SLC10A6: variants seen among roughly 807,000 people sequenced by gnomAD.
SLC10A6 encodes sodium-dependent organic anion transporter.
SLC10A6 carries 27 observed loss-of-function variants against 30.0 expected under a neutral mutation model. That is an observed-to-expected ratio of 0.90 (90% confidence interval 0.66 to 1.24). The LOEUF is 1.24. SLC10A6 is among the 50% of genes most tolerant of loss of function. The pLI, the probability that SLC10A6 is intolerant of heterozygous loss-of-function variation, is 0.00. For synonymous variants in SLC10A6, 166 were observed against 173.8 expected (o/e 0.95, Z 0.36); for missense variants, 439 against 457.0 (o/e 0.96, Z 0.36).
chr4:86,837,534 A>G, intron 1 of SLC10A6: 2 of 931,688 alleles, frequency 2.1e-6, no homozygotes, highest in Non-Finnish European at 2.6e-6. Context: ...GCCAATAAAA[A>G]TCAGGGAGGA....
intron 5 of SLC10A6, among the ~76,000 whole-genome samples, chr4:86,824,333 G>A (rs970036624): frequency 1.3e-5 from 2 of 152,202 alleles, no homozygotes; most frequent in Non-Finnish European, 2.9e-5. Flanking sequence ...TTGGGTCTGA[G>A]ACCAAGAGTT....
chr4:86,830,352 C>T (rs999642355), intron 3 of SLC10A6, among the ~76,000 whole-genome samples: 12 of 152,078 alleles, frequency 7.9e-5, no homozygotes, highest in African/African-American at 2.9e-4. Context: ...GAGCTATGAT[C>T]GTGTCATTGC....
At chr4:86,826,978 G>A (rs1746010319) in intron 4 of SLC10A6, among the ~76,000 whole-genome samples, 1 of 152,162 alleles carries the variant, frequency 6.6e-6, no homozygotes, top group Non-Finnish European at 1.5e-5. Context: ...GTGTTCATAC[G>A]TTATTTCTAC....
intron 1 of SLC10A6, among the ~76,000 whole-genome samples, 198 bp from the exon 2 acceptor site, chr4:86,833,622 T>C (rs1362885733): frequency 6.6e-6 from 1 of 152,216 alleles, no homozygotes; most frequent in African/African-American, 2.4e-5. Flanking sequence ...GTTCTTGTCA[T>C]CCATCAATTA....
chr4:86,823,619 G>A lies in SLC10A6; in HGVS notation c.*69C>T. 2.4e-6 allele frequency: 3 copies of A among 1,245,594 alleles called. No individual in the cohort carries two copies. The highest frequency in any genetic ancestry group is 3.3e-6 in the Non-Finnish European group (3 of 899,524). 77.2% of individuals were successfully genotyped at this position (1,245,594 alleles called of 1,614,324 possible). A position where few individuals can be genotyped will look rare whatever the true frequency, so the allele number is the denominator to read the frequency against. On this transcript the variant is annotated 3_prime_UTR_variant, in exon 6 of 6. Transcript: ENST00000273905. Reference sequence around the variant, plus strand: ...CACTGGCCCTACCAACAAGATTCATGTGTCAGCTGCACACTGTCTTTACTG... The same window carrying A: ...CACTGGCCCTACCAACAAGATTCATATGTCAGCTGCACACTGTCTTTACTG...
At position 86,833,413 on chromosome 4, in the gene SLC10A6, G is replaced by A. The variant is rs1472419543; in HGVS notation, c.389C>T (p.Thr130Ile). Residue 130 changes from threonine to isoleucine, a missense_variant, in exon 2 of 6, where the codon ACA becomes ATA. Transcript: ENST00000273905. The part of the protein sequence containing the change: ...DGDMDLSISM[T>I]TCSTVAALGM... ...CAGGGCGGCCACGGTGGAACAGGTTGTCATACTGATGCTGAAAGTAAAATT... is the reference window on the plus strand; with the variant it reads ...CAGGGCGGCCACGGTGGAACAGGTTATCATACTGATGCTGAAAGTAAAATT... 1 of 1,612,814 alleles carries A rather than the reference G, an allele frequency of 6.2e-7. No individual in the cohort carries two copies. The highest frequency in any genetic ancestry group is 1.3e-5 in the African/African-American group (1 of 74,886).
At chr4:86,846,445 C>T (rs1028066555) in intron 1 of SLC10A6, among the ~76,000 whole-genome samples, 4 of 152,122 alleles carry the variant, frequency 2.6e-5, no homozygotes, top group East Asian at 3.9e-4. Flanking sequence ...GTCAGCCAGG[C>T]GCCGTGGCTC....
At chr4:86,830,644 C>T (rs1176106480) in intron 3 of SLC10A6, among the ~76,000 whole-genome samples, 2 of 152,084 alleles carry the variant, frequency 1.3e-5, no homozygotes, top group Non-Finnish European at 2.9e-5. Flanking sequence ...TGGCCTTGTG[C>T]ATAACTGGGA....
Position 86,849,313 on chromosome 4 carries a change from A to G in SLC10A6, c.-198T>C. 1 of 601,504 alleles carries G rather than the reference A, an allele frequency of 1.7e-6. No homozygotes were observed. Among genetic ancestry groups the G allele is most frequent in the South Asian group, 2.1e-5 (1 of 46,538 alleles). The allele number at this position is 601,504 out of a possible 1,614,324, so 37.3% of individuals were successfully genotyped here. On this transcript the variant is annotated 5_prime_UTR_variant, in exon 1 of 6. An upstream start codon of the reference 5' UTR is lost. Transcript: ENST00000273905. ...CATTATAAAAGTAATTATCACAGGC[A>G]TGAAACATATAATAAACTGTGGTAA...
At chr4:86,831,734 C>G in intron 3 of SLC10A6, 58 bp downstream of exon 3, 2 of 1,423,350 alleles carry the variant, frequency 1.4e-6, no homozygotes, top group Non-Finnish European at 2.0e-6. Flanking sequence ...CTGCTCACTT[C>G]TGTCTTTCAG....
rs200164392 is a variant in SLC10A6 at position 86,848,878 on chromosome 4, G to C, written c.238C>G (p.Pro80Ala). 4 of 1,614,202 alleles carry C rather than the reference G, an allele frequency of 2.5e-6. No homozygotes were observed. The East Asian group carries it at 6.7e-5, about 27-fold the overall frequency. ...VGLLCQFGLM[P>A]FTAYLLAISF... Reference sequence around the variant, plus strand: ...ATGGCCAGGAGATAAGCTGTAAAAGGCATGAGCCCAAACTGGCAGAGCAGT... The same window carrying C: ...ATGGCCAGGAGATAAGCTGTAAAAGCCATGAGCCCAAACTGGCAGAGCAGT... Residue 80 changes from proline to alanine, a missense_variant, in exon 1 of 6, where the codon CCT becomes GCT. Pro to Ala is a conservative substitution (Grantham distance 27). Coordinates refer to ENST00000273905, the MANE Select transcript of SLC10A6 (RefSeq NM_197965.3).
rs1389940059 is a variant in SLC10A6 at position 86,825,510 on chromosome 4, A to C, written c.829T>G (p.Ser277Ala). ...IQMCITMLQL[S>A]FTAEHLVQML... Reference sequence around the variant, plus strand: ...TGGACCAAGTGCTCAGCAGTGAAAGATAACTGGAGCATGGTGATGCACATC... The same window carrying C: ...TGGACCAAGTGCTCAGCAGTGAAAGCTAACTGGAGCATGGTGATGCACATC... Residue 277 changes from serine (S) to alanine (A), a missense_variant, in exon 5 of 6, where the codon TCT becomes GCT. By Grantham distance (99) the Ser-to-Ala change is moderately conservative. Coordinates refer to ENST00000273905, the MANE Select transcript of SLC10A6 (RefSeq NM_197965.3). 6.2e-7 allele frequency: 1 copy of C among 1,612,938 alleles called. No homozygotes were observed. The highest frequency in any genetic ancestry group is 8.5e-7 in the Non-Finnish European group (1 of 1,179,082).
intron 1 of SLC10A6, among the ~76,000 whole-genome samples, chr4:86,843,704 A>G (rs560095159): frequency 2.0e-5 from 3 of 152,326 alleles, no homozygotes; most frequent in Non-Finnish European, 4.4e-5. Context: ...TTAGGCATGC[A>G]GCTCCTTGAG....
intron 1 of SLC10A6, among the ~76,000 whole-genome samples, chr4:86,841,882 A>C (rs1468329468): frequency 1.3e-5 from 2 of 152,190 alleles, no homozygotes; most frequent in Non-Finnish European, 1.5e-5. Flanking sequence ...ATTTGACCCT[A>C]GAATAGAGCG....
intron 4 of SLC10A6, among the ~76,000 whole-genome samples, chr4:86,827,567 ATACT>A (rs1416414798): frequency 6.6e-6 from 1 of 152,188 alleles, no homozygotes; most frequent in Non-Finnish European, 1.5e-5. Flanking sequence ...AAAGTAGTAC[ATACT>A]TATTGAAAAG....
Position 86,826,214 on chromosome 4 carries a change from C to T in SLC10A6, c.762-637G>A, listed in dbSNP as rs554619897. ...TGGGCAACAGAGTAAGACCCTGTCT[C>T]TACAAAAAGAAAAACGTATATATAT... On this transcript the variant is annotated intron_variant, in intron 4 of 5. Transcript: ENST00000273905. 3.0e-3 allele frequency among the ~76,000 whole-genome samples: 450 copies of T among 151,938 alleles called. 3 individuals are homozygous for T. The highest frequency in any genetic ancestry group is 4.9e-3 in the Non-Finnish European group (335 of 67,986).
intron 3 of SLC10A6, among the ~76,000 whole-genome samples, chr4:86,829,894 A>G (rs771134070): frequency 6.6e-6 from 1 of 152,270 alleles, no homozygotes; most frequent in Non-Finnish European, 1.5e-5. Context: ...TGGTTTCTCC[A>G]TTGACACTGA....
intron 5 of SLC10A6, 121 bp downstream of exon 5, chr4:86,825,299 C>T: frequency 1.1e-6 from 1 of 874,070 alleles, no homozygotes; most frequent in Non-Finnish European, 1.7e-6. Context: ...CCAGAAATGT[C>T]AGGCTTTCAA....
intron 4 of SLC10A6, among the ~76,000 whole-genome samples, chr4:86,826,280 TAAAAAC>T (rs1382903847): frequency 1.3e-5 from 2 of 151,998 alleles, no homozygotes; most frequent in African/African-American, 2.4e-5. Context: ...AACCAACACT[TAAAAAC>T]AAATAAACAA....
Sources: gnomAD v4.1 joint callset for allele counts (sites outside exome capture counted in the v4.1 genomes callset) on GRCh38, gnomAD v4.1.1 for gene constraint, MANE v1.5 for transcripts, NCBI Gene and HGNC (gene_info 2026-07-23, HGNC 2026-07-21) for gene names.